The following KCNJ3 variants were observed in gnomAD, a reference collection of about 807,000 sequenced individuals.
KCNJ3 encodes potassium inwardly rectifying channel subfamily J member 3, also known as G protein-activated inward rectifier potassium channel 1.
KCNJ3 carries 4 observed loss-of-function variants against 39.2 expected under a neutral mutation model. That is an observed-to-expected ratio of 0.10 (90% CI 0.05 to 0.23). The LOEUF is 0.23. KCNJ3 is among the 10% of genes least tolerant of loss of function. The pLI, the probability that KCNJ3 is intolerant of heterozygous loss-of-function variation, is 1.00. For synonymous variants in KCNJ3, 230 were observed against 237.4 expected (o/e 0.97, Z 0.29); for missense variants, 276 against 634.9 (o/e 0.43, Z 6.08).
chr2:154,728,415 G>A (rs1386450265), intron 2 of KCNJ3, among the ~76,000 whole-genome samples: 1 of 152,164 alleles, frequency 6.6e-6, no homozygotes, highest in African/African-American at 2.4e-5. Context: ...ATTGATGTCA[G>A]TTTGGAAAGG....
intron 2 of KCNJ3, among the ~76,000 whole-genome samples, chr2:154,750,299 G>C (rs1053978758): frequency 3.3e-5 from 5 of 151,774 alleles, no homozygotes; most frequent in Admixed American, 2.6e-4. Flanking sequence ...ATAGGGTTAG[G>C]TTATAAACTT....
Position 154,806,807 on chromosome 2 carries a change from A to G in KCNJ3, c.920-47920A>G, listed in dbSNP as rs576753015. On this transcript the variant is annotated intron_variant, in intron 2 of 2. Coordinates refer to ENST00000295101, the MANE Select transcript of KCNJ3 (RefSeq NM_002239.4). Reference sequence around the variant, plus strand: ...ATTCAGCTACCTGAGCAAATCCTATAAATTTTAAAATATACCTTAAAAAGA... The same window carrying G: ...ATTCAGCTACCTGAGCAAATCCTATGAATTTTAAAATATACCTTAAAAAGA... 1.1e-4 allele frequency among the ~76,000 whole-genome samples: 16 copies of G among 152,278 alleles called. No individual in the cohort carries two copies. The South Asian group carries it at 2.9e-3, about 28-fold the overall frequency.
chr2:154,711,466 T>C (rs1685101147), intron 2 of KCNJ3, among the ~76,000 whole-genome samples: 1 of 152,168 alleles, frequency 6.6e-6, no homozygotes, highest in South Asian at 2.1e-4. Flanking sequence ...AATGTTTTAT[T>C]AGATCTATCT....
intron 1 of KCNJ3, among the ~76,000 whole-genome samples, chr2:154,701,674 A>C (rs1684899092): frequency 6.6e-6 from 1 of 152,124 alleles, no homozygotes; most frequent in Non-Finnish European, 1.5e-5. Flanking sequence ...AGGTGATAAA[A>C]ACATCTAGTT....
rs187087359 is a variant in KCNJ3, at chr2:154,803,603, C to A, written c.920-51124C>A. Among the ~76,000 whole-genome samples the A allele has an allele frequency of 3.5e-3, 528 of 151,750 alleles. 2 individuals carry two copies. The highest frequency in any genetic ancestry group is 6.8e-3 in the Middle Eastern group (2 of 292). On this transcript the variant is annotated intron_variant, in intron 2 of 2. Coordinates refer to ENST00000295101, the MANE Select transcript of KCNJ3 (RefSeq NM_002239.4). ...TGAAGCTTAAACCAAATTATTGTAT[C>A]CCTTTAATTATTATTTCAAAAACCT...
At chr2:154,796,988 T>A (rs1178520811) in intron 2 of KCNJ3, among the ~76,000 whole-genome samples, 1 of 152,186 alleles carries the variant, frequency 6.6e-6, no homozygotes, top group East Asian at 1.9e-4. Context: ...CTTTAGCACA[T>A]ACCTATTGAG....
At chr2:154,809,977 C>T (rs1025998) in intron 2 of KCNJ3, among the ~76,000 whole-genome samples, 81,374 of 151,836 alleles carry the variant, frequency 0.54, 22,157 homozygotes, top group Middle Eastern at 0.6. Flanking sequence ...TTTACATTTT[C>T]CCAAAGTTCA....
chr2:154,723,586 A>G (rs965384429), intron 2 of KCNJ3, among the ~76,000 whole-genome samples: 5 of 151,842 alleles, frequency 3.3e-5, no homozygotes, highest in African/African-American at 1.2e-4. Flanking sequence ...ACAATAATAT[A>G]CGTAATATTG....
At chr2:154,799,821 G>A (rs1328269504) in intron 2 of KCNJ3, among the ~76,000 whole-genome samples, 1 of 152,068 alleles carries the variant, frequency 6.6e-6, no homozygotes, top group Non-Finnish European at 1.5e-5. Context: ...CTCTGTTCTT[G>A]GAATTTATAC....
chr2:154,716,274 TA>T (rs1451698220), intron 2 of KCNJ3, among the ~76,000 whole-genome samples: 3 of 80,018 alleles, frequency 3.7e-5, no homozygotes, highest in African/African-American at 1.1e-4. Flanking sequence ...CACGGCCGGC[TA>T]ATTTTTTTTT....
intron 2 of KCNJ3, among the ~76,000 whole-genome samples, chr2:154,786,209 T>G (rs1286366353): frequency 1.3e-5 from 2 of 152,158 alleles, no homozygotes; most frequent in African/African-American, 4.8e-5. Flanking sequence ...TATTTAGAGA[T>G]AAAATAGCCA....
At chr2:154,727,195 C>T (rs1229078442) in intron 2 of KCNJ3, among the ~76,000 whole-genome samples, 1 of 152,126 alleles carries the variant, frequency 6.6e-6, no homozygotes, top group East Asian at 1.9e-4. Flanking sequence ...TTCTATTTTA[C>T]TAGTTCTTAA....
At chr2:154,810,929 T>C (rs1686998497) in intron 2 of KCNJ3, among the ~76,000 whole-genome samples, 1 of 152,190 alleles carries the variant, frequency 6.6e-6, no homozygotes, top group Non-Finnish European at 1.5e-5. Flanking sequence ...CCAGTGCTAA[T>C]GGATGATCCT....
chr2:154,757,518 T>G (rs1685962315), intron 2 of KCNJ3, among the ~76,000 whole-genome samples: 1 of 152,114 alleles, frequency 6.6e-6, no homozygotes, highest in Non-Finnish European at 1.5e-5. Context: ...ATTTTGTTGA[T>G]TTTTTTCTCC....
chr2:154,838,873 T>C (rs564919665), intron 2 of KCNJ3, among the ~76,000 whole-genome samples: 1 of 152,162 alleles, frequency 6.6e-6, no homozygotes, highest in Non-Finnish European at 1.5e-5. Flanking sequence ...ATGCTAGTGA[T>C]AATGTTTTCC....
chr2:154,809,144 T>C (rs1444668162), intron 2 of KCNJ3, among the ~76,000 whole-genome samples: 1 of 152,072 alleles, frequency 6.6e-6, no homozygotes, highest in East Asian at 1.9e-4. Flanking sequence ...CCCTCAGATA[T>C]AATCAGACCT....
At chr2:154,802,549 G>C (rs1686836973) in intron 2 of KCNJ3, among the ~76,000 whole-genome samples, 1 of 152,002 alleles carries the variant, frequency 6.6e-6, no homozygotes, top group Non-Finnish European at 1.5e-5. Flanking sequence ...TATCTTTTAA[G>C]TATATTGACA....
intron 1 of KCNJ3, among the ~76,000 whole-genome samples, chr2:154,704,253 TA>T (rs1684959067): frequency 6.6e-6 from 1 of 152,022 alleles, no homozygotes; most frequent in Non-Finnish European, 1.5e-5. Flanking sequence ...TAAAGAGCCA[TA>T]AATAAACAGC....
chr2:154,769,644 T>C (rs1019192588), intron 2 of KCNJ3, among the ~76,000 whole-genome samples: 1 of 152,176 alleles, frequency 6.6e-6, no homozygotes, highest in Non-Finnish European at 1.5e-5. Context: ...GGTCTAAAAT[T>C]CTCTTTTTTT....
Sources: allele counts gnomAD v4.1 joint callset (sites outside exome capture counted in the v4.1 genomes callset), GRCh38; gene constraint gnomAD v4.1.1; transcripts MANE v1.5; gene names NCBI Gene and HGNC (gene_info 2026-07-23, HGNC 2026-07-21).